The following DMD variants were observed in gnomAD, a reference collection of about 807,000 sequenced individuals.
The protein encoded by DMD is mutant dystrophin.
DMD carries 63 observed loss-of-function variants against 330.1 expected under a neutral mutation model. The ratio of observed to expected loss-of-function variants is 0.19; its 90% CI spans 0.16 to 0.24. The LOEUF (loss-of-function observed/expected upper bound fraction) is 0.24. Among genes scored for constraint, DMD ranks in the 10% least tolerant of loss-of-function variants. The probability of loss-of-function intolerance (pLI) is 1.00; values close to 1 mark genes in which losing one functional copy is unlikely to be tolerated. For synonymous variants in DMD, 1,223 were observed against 959.8 expected, an observed-to-expected ratio of 1.27 and a Z score of -5.07; for missense variants, 3,344 against 2,684.1, an observed-to-expected ratio of 1.25 and a Z score of -5.43.
intron 1 of DMD, among the ~76,000 whole-genome samples, chrX:33,042,521 T>C (rs989428618): frequency 8.9e-6 from 1 of 111,952 alleles, no homozygotes; most frequent in Non-Finnish European, 1.9e-5. Flanking sequence ...TGGGATAAAA[T>C]GTTCAGGAAA....
At chrX:32,738,982 G>A (rs1380136604) in intron 7 of DMD, among the ~76,000 whole-genome samples, 1 of 111,800 alleles carries the variant, frequency 8.9e-6, no homozygotes, top group Non-Finnish European at 1.9e-5. Context: ...TTAAGAAAAT[G>A]TAACTTCAGG....
intron 24 of DMD, among the ~76,000 whole-genome samples, 190 bp downstream of exon 24, chrX:32,464,396 C>T (rs2098394049): frequency 9.1e-6 from 1 of 110,018 alleles, no homozygotes; most frequent in African/African-American, 3.3e-5. Flanking sequence ...CTCTCCTCTA[C>T]CTATTAGACA....
At chrX:32,113,333 A>G (rs1473433352) in intron 44 of DMD, among the ~76,000 whole-genome samples, 1 of 112,669 alleles carries the variant, frequency 8.9e-6, no homozygotes, top group Non-Finnish European at 1.9e-5. Context: ...ACACAAAGCA[A>G]TGGTAAATGT....
intron 44 of DMD, among the ~76,000 whole-genome samples, chrX:32,189,007 C>T (rs1469499719): frequency 9.0e-6 from 1 of 110,624 alleles, no homozygotes; most frequent in Non-Finnish European, 1.9e-5. Flanking sequence ...TTAATTTATA[C>T]ATTGTCATCA....
At chrX:32,835,488 T>G (rs1478361491) in intron 4 of DMD, among the ~76,000 whole-genome samples, 1 of 112,778 alleles carries the variant, frequency 8.9e-6, no homozygotes, top group South Asian at 3.6e-4. Context: ...GCAATAAAGT[T>G]ATCACTGCAC....
intron 1 of DMD, among the ~76,000 whole-genome samples, chrX:33,150,855 C>T (rs769233145): frequency 3.6e-5 from 4 of 111,147 alleles, no homozygotes; most frequent in Non-Finnish European, 7.5e-5. Flanking sequence ...AACTTATTAA[C>T]CTACCAAATT....
Position 33,009,465 on chromosome X carries a change from T to TATGTGTGTATGTGTATACAC in DMD, c.93+10654_93+10673dup, listed in dbSNP as rs2093559271. Among the ~76,000 whole-genome samples, 2 of 71,957 alleles carry TATGTGTGTATGTGTATACAC rather than the reference T, an allele frequency of 2.8e-5. 1 individual carries two copies. The highest frequency in any genetic ancestry group is 5.1e-5 in the Non-Finnish European group (2 of 38,878). The allele number at this position is 71,957 out of a possible 115,157, so 62.5% of individuals were successfully genotyped here. On this transcript the variant is annotated intron_variant, in intron 2 of 78. Transcript: ENST00000357033. Reference sequence around the variant, plus strand: ...ACATATGTATGTATGTGTATACACATATGTGTGTATGTGTATACACATGTG... The same window carrying TATGTGTGTATGTGTATACAC: ...ACATATGTATGTATGTGTATACACATATGTGTGTATGTGTATACACATGTGTGTATGTGTATACACATGTG...
At chrX:31,134,074 TGAGTCCC>T in intron 77 of DMD, 21 bp downstream of exon 77, 1 of 1,181,104 alleles carries the variant, frequency 8.5e-7, no homozygotes, top group Non-Finnish European at 1.2e-6. Context: ...CCAGCAAATC[TGAGTCCC>T]TTCTAGGTAT....
intron 52 of DMD, among the ~76,000 whole-genome samples, chrX:31,707,999 T>C (rs1363395572): frequency 1.8e-5 from 2 of 112,176 alleles, no homozygotes; most frequent in Admixed American, 9.5e-5. Flanking sequence ...TGTTCAAATT[T>C]ATATGTTCCA....
At chrX:33,246,597 T>C (rs2052666268) in intron 1 of DMD, among the ~76,000 whole-genome samples, 1 of 112,250 alleles carries the variant, frequency 8.9e-6, no homozygotes, top group African/African-American at 3.2e-5. Context: ...AGTAGCCATT[T>C]AAAAATTTAT....
In DMD at chrX:32,187,838, A is replaced by T. The variant is rs778838713; in HGVS notation, c.6438+29078T>A. Among the ~76,000 whole-genome samples, 4 of 111,469 alleles carry T rather than the reference A, an allele frequency of 3.6e-5. No individual in the cohort carries two copies. The South Asian group carries it at 1.5e-3, about 41-fold the overall frequency. ...CCTGGAGAAAAGATGGGAAAACGGC[A>T]TAAAACAAAGCACGAACACGGTATT... On this transcript the variant is annotated intron_variant, in intron 44 of 78. Coordinates refer to ENST00000357033, the MANE Select transcript of DMD (RefSeq NM_004006.3).
At chrX:32,870,481 C>T (rs191423657) in intron 2 of DMD, among the ~76,000 whole-genome samples, 4 of 111,839 alleles carry the variant, frequency 3.6e-5, no homozygotes, top group Non-Finnish European at 5.6e-5. Flanking sequence ...CCAAGACAAT[C>T]CTAAGCAAAA....
chrX:32,022,721 A>T (rs765689634), intron 44 of DMD, among the ~76,000 whole-genome samples: 2 of 112,009 alleles, frequency 1.8e-5, no homozygotes, highest in Non-Finnish European at 3.8e-5. Context: ...AGGCCACAGG[A>T]TGTGTGATAC....
At chrX:32,819,490 AG>A (rs1274552614) in intron 5 of DMD, among the ~76,000 whole-genome samples, 1 of 111,726 alleles carries the variant, frequency 9.0e-6, no homozygotes, top group African/African-American at 3.3e-5. Context: ...AGGAAGAAAA[AG>A]ATGCCAAACA....
intron 37 of DMD, among the ~76,000 whole-genome samples, chrX:32,358,602 A>G (rs1285379802): frequency 8.9e-6 from 1 of 111,937 alleles, no homozygotes; most frequent in African/African-American, 3.2e-5. Flanking sequence ...CAGCATTTTT[A>G]TGTATTTTAA....
intron 62 of DMD, among the ~76,000 whole-genome samples, chrX:31,264,113 A>AT (rs1387326711): frequency 1.8e-5 from 2 of 111,819 alleles, no homozygotes; most frequent in African/African-American, 6.5e-5. Context: ...GACAAACCAC[A>AT]TTTTTGTCTG....
intron 2 of DMD, among the ~76,000 whole-genome samples, chrX:32,939,517 G>A (rs2090254669): frequency 9.0e-6 from 1 of 110,939 alleles, no homozygotes; most frequent in Non-Finnish European, 1.9e-5. Context: ...TTGATAAACT[G>A]TACATTTATG....
intron 1 of DMD, among the ~76,000 whole-genome samples, chrX:33,047,107 TTAAG>T (rs1364499076): frequency 9.0e-6 from 1 of 111,543 alleles, no homozygotes; most frequent in Non-Finnish European, 1.9e-5. Context: ...CTTAGCGAGG[TTAAG>T]TAACTGCCCA....
rs900838764 is a variant in DMD, at chrX:31,190,666, T to C, written c.9808-7762A>G. On this transcript the variant is annotated intron_variant, in intron 67 of 78. Transcript: ENST00000357033. ...GCATTTAGTAGATAGAGGCCAGGAT[T>C]CTGCAAAACATCCAGCAGCACACAG... Among the ~76,000 whole-genome samples the C allele has an allele frequency of 3.4e-5, 3 of 89,243 alleles. No individual in the cohort carries two copies. The East Asian group carries it at 1.2e-3, about 35-fold the overall frequency. The allele number at this position is 89,243 out of a possible 115,157, so 77.5% of individuals were successfully genotyped here.
Sources: allele counts gnomAD v4.1 joint callset (sites outside exome capture counted in the v4.1 genomes callset), GRCh38; gene constraint gnomAD v4.1.1; transcripts MANE v1.5; gene names NCBI Gene and HGNC (gene_info 2026-07-23, HGNC 2026-07-21).